Variants in CDH18 observed in about 807,000 individuals in gnomAD.
CDH18 encodes cadherin 18, also known as cadherin-18.
A neutral mutation model predicts 67.9 loss-of-function variants in CDH18; 31 were observed. That is an observed-to-expected ratio of 0.46 (90% CI 0.34 to 0.62). CDH18 has a LOEUF of 0.62. Ranked by LOEUF, CDH18 falls within the 20% of genes least tolerant of loss-of-function variation. CDH18 has a pLI of 0.01. For missense variants in CDH18, 890 were observed against 975.5 expected (o/e 0.91, Z 1.17); for synonymous variants, 362 against 347.2 (o/e 1.04, Z -0.48).
chr5:19,989,124 G>T (rs181750275), upstream of CDH18, among the ~76,000 whole-genome samples: 2 of 152,130 alleles, frequency 1.3e-5, no homozygotes, highest in Admixed American at 1.3e-4. Context: ...CTTTCTCCCC[G>T]CACGAAGTCA....
At chr5:20,440,655 T>G (rs1052212192) in intron 1 of CDH18, among the ~76,000 whole-genome samples, 2 of 151,994 alleles carry the variant, frequency 1.3e-5, no homozygotes, top group Non-Finnish European at 2.9e-5. Flanking sequence ...TAGCTATTTA[T>G]CTCCAATAAT....
At chr5:20,151,851 T>TA (rs1751132969) in intron 2 of CDH18, among the ~76,000 whole-genome samples, 2 of 151,888 alleles carry the variant, frequency 1.3e-5, no homozygotes, top group African/African-American at 4.8e-5. Flanking sequence ...TCACTGGAAA[T>TA]ATAATGTATC....
intron 5 of CDH18, among the ~76,000 whole-genome samples, chr5:19,711,767 CA>C: frequency 6.6e-6 from 1 of 151,452 alleles, no homozygotes; most frequent in African/African-American, 2.4e-5. Flanking sequence ...GGAGAATTCT[CA>C]AAAAAACTCA....
chr5:19,928,753 T>TA (rs1793364774), intron 2 of CDH18, among the ~76,000 whole-genome samples: 1 of 152,020 alleles, frequency 6.6e-6, no homozygotes, highest in African/African-American at 2.4e-5. Context: ...CAGCTGAACT[T>TA]AAACCTTGGC....
intron 1 of CDH18, among the ~76,000 whole-genome samples, chr5:20,561,463 A>C (rs1290499374): frequency 6.6e-6 from 1 of 152,108 alleles, no homozygotes; most frequent in African/African-American, 2.4e-5. Context: ...GACATGGAGC[A>C]ACCTTAAATT....
intron 2 of CDH18, among the ~76,000 whole-genome samples, chr5:19,846,701 C>T (rs1159166563): frequency 6.6e-6 from 1 of 152,054 alleles, no homozygotes; most frequent in East Asian, 1.9e-4. Flanking sequence ...TGAAACTGAA[C>T]TTCCATATAT....
At chr5:20,029,302 T>A (rs578184613) in intron 2 of CDH18, among the ~76,000 whole-genome samples, 9 of 152,150 alleles carry the variant, frequency 5.9e-5, no homozygotes, top group African/African-American at 7.2e-5. Context: ...AAGAGGTAGA[T>A]GCTTATAGTA....
At chr5:20,146,929 C>T (rs753754871) in intron 2 of CDH18, among the ~76,000 whole-genome samples, 37 of 152,112 alleles carry the variant, frequency 2.4e-4, no homozygotes, top group African/African-American at 7.7e-4. Flanking sequence ...TACTACTTTT[C>T]TTGACCTCTT....
intron 1 of CDH18, among the ~76,000 whole-genome samples, chr5:20,547,801 C>T (rs938825858): frequency 1.3e-5 from 2 of 152,078 alleles, no homozygotes; most frequent in Admixed American, 6.6e-5. Context: ...AGTAAGATTT[C>T]AGTGTGTAAC....
chr5:20,389,177 G>A (rs1159506146), intron 1 of CDH18, among the ~76,000 whole-genome samples: 1 of 152,108 alleles, frequency 6.6e-6, no homozygotes, highest in Non-Finnish European at 1.5e-5. Flanking sequence ...CTATTATTGT[G>A]TGGGCATCTA....
chr5:19,836,369 A>G (rs1370967043), intron 3 of CDH18, among the ~76,000 whole-genome samples: 3 of 152,136 alleles, frequency 2.0e-5, no homozygotes, highest in Non-Finnish European at 4.4e-5. Flanking sequence ...TCTACCTGGC[A>G]TTAGATGGTA....
intron 10 of CDH18, among the ~76,000 whole-genome samples, chr5:19,512,304 A>C (rs542810446): frequency 9.7e-4 from 148 of 152,314 alleles, no homozygotes; most frequent in African/African-American, 3.5e-3. Flanking sequence ...TTAAAATTAT[A>C]ATTAGTCCGA....
chr5:19,740,023 T>C (rs570814688), intron 4 of CDH18, among the ~76,000 whole-genome samples: 49 of 152,290 alleles, frequency 3.2e-4, no homozygotes, highest in African/African-American at 1.1e-3. Context: ...GATGTTTCAA[T>C]ACATTTCCAA....
chr5:19,472,141 G>T lies in CDH18; in HGVS notation c.*1085C>A, dbSNP rs1374351768. Among the ~76,000 whole-genome samples the T allele has an allele frequency of 6.6e-6, 1 of 152,120 alleles. No homozygotes were observed. Among genetic ancestry groups the T allele is most frequent in the Non-Finnish European group, 1.5e-5 (1 of 68,022 alleles). On this transcript the variant is annotated 3_prime_UTR_variant, in exon 13 of 13. Coordinates refer to ENST00000382275, the MANE Select transcript of CDH18 (RefSeq NM_004934.5). ...TGGAAAAAATCTGAAACTGTGTAAG[G>T]AATAAATGTAAGTCAACTATGATTC...
In CDH18 at chr5:19,483,510, C is replaced by G. The variant is rs771062780; in HGVS notation, c.1673G>C (p.Arg558Pro). 82 of 1,613,550 alleles carry G rather than the reference C, an allele frequency of 5.1e-5. No individual in the cohort carries two copies. Among genetic ancestry groups the G allele is most frequent in the Non-Finnish European group, 6.9e-5 (81 of 1,179,850 alleles). Residue 558 changes from arginine (R) to proline (P), a missense_variant, in exon 12 of 13, where the codon CGA (arginine) becomes CCA (proline). Coordinates refer to ENST00000382275, the MANE Select transcript of CDH18 (RefSeq NM_004934.5). Reference sequence around the variant, plus strand: ...CAGATAATACACATCCTGAACAGTTCGACTAAATCTCCTCCGCCTTGTCAG... The same window carrying G: ...CAGATAATACACATCCTGAACAGTTGGACTAAATCTCCTCCGCCTTGTCAG... ...SILTRRRRFS[R>P]TVQDVYYLPI... is the part of the protein sequence containing the mutation.
intron 3 of CDH18, among the ~76,000 whole-genome samples, chr5:19,791,015 G>T (rs1191721322): frequency 6.6e-6 from 1 of 152,010 alleles, no homozygotes; most frequent in Non-Finnish European, 1.5e-5. Context: ...AGGCTGTGGG[G>T]AAACCAGATA....
intron 1 of CDH18, among the ~76,000 whole-genome samples, chr5:20,326,664 G>T (rs1489600962): frequency 6.7e-6 from 1 of 149,798 alleles, no homozygotes; most frequent in African/African-American, 2.5e-5. Context: ...TCAGCTTTCT[G>T]AGTAGCTGGC....
intron 2 of CDH18, among the ~76,000 whole-genome samples, chr5:19,906,559 GCTT>G (rs2150126805): frequency 6.6e-6 from 1 of 151,762 alleles, no homozygotes; most frequent in African/African-American, 2.4e-5. Context: ...TTTCTTCTTG[GCTT>G]CTTCTTATCG....
At chr5:19,688,439 A>T (rs1761416762) in intron 5 of CDH18, among the ~76,000 whole-genome samples, 1 of 152,156 alleles carries the variant, frequency 6.6e-6, no homozygotes, top group African/African-American at 2.4e-5. Context: ...GCTGTTCTTT[A>T]CAGCTGAAGA....
Sources: allele counts gnomAD v4.1 joint callset (sites outside exome capture counted in the v4.1 genomes callset), GRCh38; gene constraint gnomAD v4.1.1; transcripts MANE v1.5; gene names NCBI Gene and HGNC (gene_info 2026-07-23, HGNC 2026-07-21).